Variants in RANBP17 observed in about 807,000 individuals in gnomAD.
RANBP17 encodes RAN binding protein 17, also known as ran-binding protein 17.
A neutral mutation model predicts 141.2 loss-of-function variants in RANBP17; 158 were observed. The ratio of observed to expected loss-of-function variants is 1.12; its 90% confidence interval spans 0.98 to 1.28. RANBP17 has a LOEUF of 1.28. Among genes scored for constraint, RANBP17 ranks in the 50% most tolerant of loss-of-function variants. The pLI is 0.00. For synonymous variants in RANBP17, 430 were observed against 450.0 expected (o/e 0.96, Z 0.56); for missense variants, 1,438 against 1,290.7 (o/e 1.11, Z -1.75).
intron 14 of RANBP17, among the ~76,000 whole-genome samples, chr5:171,039,726 C>A (rs1174695519): frequency 6.6e-6 from 1 of 152,100 alleles, no homozygotes; most frequent in Non-Finnish European, 1.5e-5. Flanking sequence ...ACAAAGGATT[C>A]TCAGAGACTA....
At chr5:171,199,082 A>G (rs1429353114) in intron 18 of RANBP17, among the ~76,000 whole-genome samples, 1 of 152,126 alleles carries the variant, frequency 6.6e-6, no homozygotes, top group Admixed American at 6.6e-5. Flanking sequence ...TTAAAAAAAA[A>G]GAGAAAAAAA....
intron 3 of RANBP17, among the ~76,000 whole-genome samples, chr5:170,889,912 T>C (rs6871159): frequency 0.027 from 4,091 of 152,308 alleles, 170 homozygotes; most frequent in African/African-American, 0.093. Context: ...AACATTCTTA[T>C]AGTTTGTGTA....
chr5:171,269,554 C>A (rs1346678788), intron 25 of RANBP17, among the ~76,000 whole-genome samples: 2 of 152,164 alleles, frequency 1.3e-5, no homozygotes, highest in East Asian at 3.9e-4. Context: ...CATTGATCAT[C>A]TGTTTACATC....
intron 12 of RANBP17, among the ~76,000 whole-genome samples, chr5:170,926,071 A>G (rs912447266): frequency 2.0e-5 from 3 of 152,204 alleles, no homozygotes; most frequent in East Asian, 1.9e-4. Flanking sequence ...TGTTTGTACT[A>G]TTTGACATCC....
At chr5:171,089,274 G>T (rs1253548442) in intron 14 of RANBP17, among the ~76,000 whole-genome samples, 1 of 98,084 alleles carries the variant, frequency 1.0e-5, no homozygotes, top group Non-Finnish European at 2.4e-5. Context: ...GCTGCTCGGG[G>T]GTCACGGGTC....
chr5:171,217,636 G>A (rs535335782), intron 21 of RANBP17, among the ~76,000 whole-genome samples: 16 of 152,194 alleles, frequency 1.1e-4, no homozygotes, highest in African/African-American at 3.9e-4. Flanking sequence ...GTCTTGGGAA[G>A]GTGTATGTAT....
At chr5:171,256,148 G>T (rs1410984521) in intron 24 of RANBP17, among the ~76,000 whole-genome samples, 6 of 152,098 alleles carry the variant, frequency 3.9e-5, no homozygotes, top group African/African-American at 1.4e-4. Context: ...TTTTATCAAA[G>T]ATTCTATCAT....
At chr5:171,008,649 A>G (rs796231345) in intron 14 of RANBP17, among the ~76,000 whole-genome samples, 28 of 152,262 alleles carry the variant, frequency 1.8e-4, no homozygotes, top group East Asian at 1.5e-3. Context: ...ATTACAAAGA[A>G]CCTTCTTAAG....
Position 171,136,035 on chromosome 5 carries a change from T to C in RANBP17, c.1711-34095T>C, listed in dbSNP as rs184126741. On this transcript the variant is annotated intron_variant, in intron 14 of 27. Transcript: ENST00000523189. Reference sequence around the variant, plus strand: ...ATGTGAGGACAGGTGCTATGAGGCATGCACTTGTCATATACAGTTAATTTT... The same window carrying C: ...ATGTGAGGACAGGTGCTATGAGGCACGCACTTGTCATATACAGTTAATTTT... 1.5e-4 allele frequency among the ~76,000 whole-genome samples: 23 copies of C among 152,354 alleles called. No homozygotes were observed. In the East Asian group the frequency reaches 4.2e-3, roughly 28 times the overall value.
intron 22 of RANBP17, among the ~76,000 whole-genome samples, chr5:171,235,613 T>C (rs934351323): frequency 3.3e-5 from 5 of 152,114 alleles, no homozygotes; most frequent in Non-Finnish European, 7.4e-5. Context: ...CACACACATA[T>C]ATTTTTTCAA....
At chr5:171,172,780 A>G (rs1468105970) in intron 16 of RANBP17, among the ~76,000 whole-genome samples, 2 of 151,776 alleles carry the variant, frequency 1.3e-5, no homozygotes, top group Non-Finnish European at 2.9e-5. Context: ...TTTTAGTATA[A>G]TTTGCATAAT....
chr5:170,890,117 TTTA>T (rs1366625735), intron 3 of RANBP17, among the ~76,000 whole-genome samples: 3 of 152,158 alleles, frequency 2.0e-5, no homozygotes, highest in African/African-American at 4.8e-5. Flanking sequence ...ATTTGTTTGT[TTTA>T]TTATTATTTT....
Position 170,919,539 on chromosome 5 carries a change from ATT to A in RANBP17, c.1201_1202del (p.Leu401ArgfsTer29). 6.2e-7 allele frequency: 1 copy of A among 1,611,922 alleles called. No individual in the cohort carries two copies. Among genetic ancestry groups the A allele is most frequent in the East Asian group, 2.2e-5 (1 of 44,780 alleles). Reference protein sequence around the residue: ...PFVKSTEPHLLDTYAPEITKA... With the variant: ...PFVKSTEPHLXDTYAPEITKA... ...TTGTGAAATCAACTGAACCCCACCT[ATT>A]AGACACTTATGCACCAGAAATCACG... On this transcript the variant is annotated frameshift_variant, in exon 11 of 28. Transcript: ENST00000523189. LOFTEE classifies it high-confidence loss of function.
chr5:171,129,563 C>T (rs1227637755), intron 14 of RANBP17, among the ~76,000 whole-genome samples: 1 of 152,166 alleles, frequency 6.6e-6, no homozygotes, highest in Non-Finnish European at 1.5e-5. Context: ...TTTGGCTAGG[C>T]ATTGCAGCTT....
chr5:171,062,953 G>A lies in RANBP17; in HGVS notation c.1710+94576G>A, dbSNP rs538903476. Among the ~76,000 whole-genome samples the A allele has an allele frequency of 2.5e-3, 386 of 151,486 alleles. 2 individuals carry two copies. The highest frequency in any genetic ancestry group is 8.8e-3 in the African/African-American group (363 of 41,254). On this transcript the variant is annotated intron_variant, in intron 14 of 27. Transcript: ENST00000523189. ...ACCCTTTCTTCCAGTTGATCGCATC[G>A]GCTCCTGAGGCTTCTGCATTCTTCA...
intron 14 of RANBP17, among the ~76,000 whole-genome samples, chr5:171,054,573 T>G (rs2127658345): frequency 6.6e-6 from 1 of 152,316 alleles, no homozygotes; most frequent in East Asian, 1.9e-4. Context: ...TATCACCATC[T>G]TGGTTTTGGT....
chr5:170,933,557 A>G (rs1182396960), intron 12 of RANBP17, among the ~76,000 whole-genome samples: 2 of 152,212 alleles, frequency 1.3e-5, no homozygotes, highest in Admixed American at 1.3e-4. Context: ...AGTTAGTGCT[A>G]TAAATTTCCC....
rs576530702 is a variant in RANBP17 at position 170,980,957 on chromosome 5, ACAGGAGCGGAGCTACC to A, written c.1710+12583_1710+12598del. ...AGAGGGGAGTCTACCCTGCAGAGCC[ACAGGAGCGGAGCTACC>A]CAAGACCATGGGAACCCACCTCTTG... On this transcript the variant is annotated intron_variant, in intron 14 of 27. Transcript: ENST00000523189. 4.0e-3 allele frequency among the ~76,000 whole-genome samples: 603 copies of A among 152,328 alleles called. 3 individuals carry two copies. The highest frequency in any genetic ancestry group is 0.014 in the African/African-American group (568 of 41,570).
At chr5:171,148,615 T>TATAGAG (rs797016263) in intron 14 of RANBP17, among the ~76,000 whole-genome samples, 64 of 147,852 alleles carry the variant, frequency 4.3e-4, no homozygotes, top group South Asian at 1.3e-3. Context: ...TATATATATA[T>TATAGAG]AGAGAGAGAG....
Sources: allele counts gnomAD v4.1 joint callset (sites outside exome capture counted in the v4.1 genomes callset), GRCh38; gene constraint gnomAD v4.1.1; transcripts MANE v1.5; gene names NCBI Gene and HGNC (gene_info 2026-07-23, HGNC 2026-07-21).